CDH11: variants seen among roughly 807,000 people sequenced by gnomAD.
The protein encoded by CDH11 is cadherin 11.
CDH11 carries 11 observed loss-of-function variants against 67.8 expected under a neutral mutation model. The ratio of observed to expected loss-of-function variants is 0.16; its 90% CI spans 0.10 to 0.27. The LOEUF is 0.27. Ranked by LOEUF, CDH11 falls within the 10% of genes least tolerant of loss-of-function variation. CDH11 has a pLI of 1.00. For missense variants in CDH11, 847 were observed against 1,031.2 expected, an observed-to-expected ratio of 0.82 and a Z score of 2.45; for synonymous variants, 419 against 400.0, an observed-to-expected ratio of 1.05 and a Z score of -0.57.
At chr16:65,045,329 G>GTGTATATATATA (rs71376755) in intron 2 of CDH11, among the ~76,000 whole-genome samples, 6 of 63,284 alleles carry the variant, frequency 9.5e-5, no homozygotes, top group African/African-American at 3.8e-4. Context: ...TCCCTCAAAA[G>GTGTATATATATA]TATATATATA....
chr16:65,063,273 A>G (rs1052850745), intron 1 of CDH11, among the ~76,000 whole-genome samples: 1 of 152,042 alleles, frequency 6.6e-6, no homozygotes, highest in African/African-American at 2.4e-5. Context: ...TTTTCTTTTC[A>G]TTTTTTAAAT....
At chr16:64,993,294 C>T (rs1010869158) in intron 4 of CDH11, among the ~76,000 whole-genome samples, 5 of 151,612 alleles carry the variant, frequency 3.3e-5, no homozygotes, top group African/African-American at 1.2e-4. Flanking sequence ...GTACATCCTA[C>T]ATTGGTTGGT....
At chr16:65,038,703 G>A (rs1416286714) in intron 2 of CDH11, among the ~76,000 whole-genome samples, 1 of 152,176 alleles carries the variant, frequency 6.6e-6, no homozygotes, top group East Asian at 1.9e-4. Context: ...TAGAGAAGGA[G>A]CCCAAAATAG....
intron 11 of CDH11, among the ~76,000 whole-genome samples, chr16:64,958,162 C>T (rs946276360): frequency 4.6e-5 from 7 of 152,148 alleles, no homozygotes; most frequent in East Asian, 1.9e-4. Context: ...GCTTTTCAGT[C>T]GTCTTTGTGC....
At chr16:65,001,544 C>T (rs1159278120) in intron 3 of CDH11, among the ~76,000 whole-genome samples, 2 of 152,144 alleles carry the variant, frequency 1.3e-5, no homozygotes, top group East Asian at 3.9e-4. Context: ...AATGGGAATG[C>T]CCAGACATTG....
intron 2 of CDH11, among the ~76,000 whole-genome samples, chr16:65,032,758 G>A (rs1313146565): frequency 6.6e-6 from 1 of 152,118 alleles, no homozygotes; most frequent in Non-Finnish European, 1.5e-5. Context: ...TGAAATTAAG[G>A]GCATTAGTTA....
At chr16:65,032,802 C>T (rs2073670634) in intron 2 of CDH11, among the ~76,000 whole-genome samples, 2 of 152,178 alleles carry the variant, frequency 1.3e-5, no homozygotes, top group Admixed American at 6.5e-5. Context: ...GTTATACTTG[C>T]ATACAGACAT....
chr16:64,948,470 G>T, intron 12 of CDH11: 1 of 760,618 alleles, frequency 1.3e-6, no homozygotes, highest in Non-Finnish European at 2.2e-6. Flanking sequence ...TGCAAAGGAA[G>T]GTAGCTGTTT....
intron 11 of CDH11, 64 bp downstream of exon 11, chr16:64,971,515 C>A: frequency 3.4e-6 from 3 of 888,286 alleles, no homozygotes; most frequent in Non-Finnish European, 5.5e-6. Flanking sequence ...TTGTGCTATG[C>A]AATGTAAACG....
At chr16:65,000,929 T>TA (rs1369466966) in intron 3 of CDH11, among the ~76,000 whole-genome samples, 2 of 123,522 alleles carry the variant, frequency 1.6e-5, no homozygotes, top group African/African-American at 5.2e-5. Flanking sequence ...ATATTTTTGT[T>TA]AAAATTGGTA....
chr16:64,947,870 G>C lies in CDH11; in HGVS notation c.2124C>G (p.Leu708=). ...CATCCACGCTGTTGGGCGCTGGCCGGAGCCCAGGTCTAGGCATGTACTGAT... is the reference window on the plus strand; with the variant it reads ...CATCCACGCTGTTGGGCGCTGGCCGCAGCCCAGGTCTAGGCATGTACTGAT... The part of the protein sequence containing the change: ...PEYQYMPRPG[L]RPAPNSVDVD... The change falls in exon 13 of 13, where the codon CTC becomes CTG. Residue 708 remains leucine (L), a synonymous_variant. Coordinates refer to ENST00000268603, the MANE Select transcript of CDH11 (RefSeq NM_001797.4). 6.2e-7 allele frequency: 1 copy of C among 1,614,124 alleles called. No individual in the cohort carries two copies. Among genetic ancestry groups the C allele is most frequent in the Non-Finnish European group, 8.5e-7 (1 of 1,180,026 alleles).
chr16:64,946,097 G>T lies in CDH11; in HGVS notation c.*1506C>A, dbSNP rs746371412. On this transcript the variant is annotated 3_prime_UTR_variant, in exon 13 of 13. Transcript: ENST00000268603. ...GGCATCGACTCTCAGAATCCAAAAT[G>T]GTCCCTGCCCTCATTCTGAGCTTAC... 1.3e-4 allele frequency: 135 copies of T among 1,057,616 alleles called. No homozygotes were observed. The highest frequency in any genetic ancestry group is 1.6e-4 in the Admixed American group (3 of 18,374). The allele number at this position is 1,057,616 out of a possible 1,614,324, so 65.5% of individuals were successfully genotyped here.
intron 11 of CDH11, among the ~76,000 whole-genome samples, chr16:64,955,508 G>A (rs1426355559): frequency 2.0e-5 from 3 of 152,134 alleles, no homozygotes; most frequent in Non-Finnish European, 2.9e-5. Flanking sequence ...GGAGGCTGAG[G>A]TGGGAGAATT....
chr16:64,949,414 C>CA (rs2071289802), intron 12 of CDH11, among the ~76,000 whole-genome samples: 1 of 133,448 alleles, frequency 7.5e-6, no homozygotes, highest in Non-Finnish European at 1.5e-5. Flanking sequence ...TGTTAGGTGC[C>CA]TTTTTTTTTT....
At chr16:65,084,290 A>G (rs1296627300) in intron 1 of CDH11, among the ~76,000 whole-genome samples, 2 of 149,966 alleles carry the variant, frequency 1.3e-5, no homozygotes, top group Non-Finnish European at 3.0e-5. Context: ...GGAGTTGGAG[A>G]CCTGCCTGGG....
chr16:64,950,913 C>T lies in CDH11; in HGVS notation c.1748G>A (p.Ser583Asn). Reference protein sequence around the residue: ...VISDGGIPPMSSTNTLTIKVC... With the variant: ...VISDGGIPPMNSTNTLTIKVC... The stretch of plus-strand genomic sequence containing the variant: ...TTTGATGGTGAGGGTGTTGGTGCTA[C>T]TCATGGGCGGGATGCCGCCATCGCT... The change falls in exon 12 of 13, where the codon AGT (serine) becomes AAT (asparagine). Residue 583 changes from serine to asparagine, a missense_variant. Transcript: ENST00000268603. 6.2e-7 allele frequency: 1 copy of T among 1,614,246 alleles called. No individual in the cohort carries two copies. The highest frequency in any genetic ancestry group is 8.5e-7 in the Non-Finnish European group (1 of 1,180,050).
intron 1 of CDH11, among the ~76,000 whole-genome samples, chr16:65,106,192 T>G (rs544359790): frequency 6.6e-6 from 1 of 152,180 alleles, no homozygotes; most frequent in East Asian, 1.9e-4. Context: ...ATCCCTCCTG[T>G]AGGGAGGTAA....
intron 11 of CDH11, among the ~76,000 whole-genome samples, chr16:64,958,253 C>T (rs936222138): frequency 6.6e-6 from 1 of 152,208 alleles, no homozygotes; most frequent in African/African-American, 2.4e-5. Context: ...TCATATCAGT[C>T]TGACTTTTCC....
At chr16:65,060,905 T>C (rs1330498248) in intron 1 of CDH11, among the ~76,000 whole-genome samples, 1 of 152,218 alleles carries the variant, frequency 6.6e-6, no homozygotes. Context: ...GACTCCTGTC[T>C]GTCCCCAGCC....
Sources: gnomAD v4.1 joint callset for allele counts (sites outside exome capture counted in the v4.1 genomes callset) on GRCh38, gnomAD v4.1.1 for gene constraint, MANE v1.5 for transcripts, NCBI Gene and HGNC (gene_info 2026-07-23, HGNC 2026-07-21) for gene names.